Variants in ADAMTS20 observed in about 807,000 individuals in gnomAD.
ADAMTS20 encodes the protein ADAM metallopeptidase with thrombospondin type 1 motif 20.
ADAMTS20 carries 225 observed loss-of-function variants against 260.1 expected under a neutral mutation model. The ratio of observed to expected loss-of-function variants is 0.87; its 90% CI spans 0.78 to 0.97. The LOEUF (loss-of-function observed/expected upper bound fraction) is 0.97, where lower values mean the gene tolerates loss of function less well. Ranked by LOEUF, ADAMTS20 falls within the 50% of genes least tolerant of loss-of-function variation. The probability of loss-of-function intolerance (pLI) is 0.00; values close to 1 mark genes in which losing one functional copy is unlikely to be tolerated. For synonymous variants in ADAMTS20, 802 were observed against 769.5 expected, an observed-to-expected ratio of 1.04 and a Z score of -0.70; for missense variants, 2,400 against 2,337.7, an observed-to-expected ratio of 1.03 and a Z score of -0.55.
At chr12:43,549,229 C>A (rs920732701) in intron 2 of ADAMTS20, among the ~76,000 whole-genome samples, 4 of 151,244 alleles carry the variant, frequency 2.6e-5, no homozygotes, top group African/African-American at 9.7e-5. Flanking sequence ...AATAATAAAT[C>A]TTCACACGTA....
In ADAMTS20 at chr12:43,464,746, A is replaced by C. The variant is rs749766277; in HGVS notation, c.1368-14T>G. On this transcript the variant is annotated splice_polypyrimidine_tract_variant and intron_variant, in intron 9 of 38. Transcript: ENST00000389420. ...CCGTAACCAGTACTGTAACAGTGAC[A>C]GAAAATAAAATATTGTGAATACACA... is the stretch of plus-strand genomic sequence containing the variant. 1 of 1,603,180 alleles carries C rather than the reference A, an allele frequency of 6.2e-7. No homozygotes were observed. The highest frequency in any genetic ancestry group is 1.1e-5 in the South Asian group (1 of 89,896).
chr12:43,481,985 C>G (rs1942449358), intron 7 of ADAMTS20, among the ~76,000 whole-genome samples: 1 of 152,116 alleles, frequency 6.6e-6, no homozygotes, highest in Non-Finnish European at 1.5e-5. Context: ...ACACACACTC[C>G]CACTGGGAAG....
chr12:43,468,713 A>T lies in ADAMTS20; in HGVS notation c.1118-8T>A. The T allele has an allele frequency of 6.7e-7, 1 of 1,481,824 alleles. No homozygotes were observed. The highest frequency in any genetic ancestry group is 9.3e-7 in the Non-Finnish European group (1 of 1,078,768). 91.8% of individuals were successfully genotyped at this position (1,481,824 alleles called of 1,614,324 possible). On this transcript the variant is annotated splice_polypyrimidine_tract_variant and splice_region_variant and intron_variant, in intron 7 of 38. Coordinates refer to ENST00000389420, the MANE Select transcript of ADAMTS20 (RefSeq NM_025003.5). Reference sequence around the variant, plus strand: ...TACCTAAATATGATAAACCTGAAAAATTTCACATTTGTATTTCATCAAAAT... The same window carrying T: ...TACCTAAATATGATAAACCTGAAAATTTTCACATTTGTATTTCATCAAAAT...
intron 3 of ADAMTS20, among the ~76,000 whole-genome samples, chr12:43,525,028 G>A (rs540860720): frequency 2.0e-5 from 3 of 152,282 alleles, no homozygotes; most frequent in South Asian, 2.1e-4. Flanking sequence ...GAAGCTCAAA[G>A]CACTCCTGGG....
At chr12:43,447,975 C>A (rs1365501152) in intron 14 of ADAMTS20, among the ~76,000 whole-genome samples, 1 of 152,024 alleles carries the variant, frequency 6.6e-6, no homozygotes, top group Non-Finnish European at 1.5e-5. Flanking sequence ...TAAAACACTG[C>A]TCAAAGCAAT....
chr12:43,498,221 A>C (rs1484260285), intron 4 of ADAMTS20, among the ~76,000 whole-genome samples: 1 of 152,190 alleles, frequency 6.6e-6, no homozygotes, highest in Non-Finnish European at 1.5e-5. Context: ...TTCTAACAAC[A>C]TTAAGTGCAA....
At position 43,501,481 on chromosome 12, in the gene ADAMTS20, GCA is replaced by G. The variant is rs3036317; in HGVS notation, c.867+669_867+670del. Among the ~76,000 whole-genome samples, 273 of 117,856 alleles carry G rather than the reference GCA, an allele frequency of 2.3e-3. 1 individual carries two copies. Among genetic ancestry groups the G allele is most frequent in the Non-Finnish European group, 3.0e-3 (167 of 55,146 alleles). The allele number at this position is 117,856 out of a possible 152,430, so 77.3% of individuals were successfully genotyped here. A position where few individuals can be genotyped will look rare whatever the true frequency, so the allele number is the denominator to read the frequency against. On this transcript the variant is annotated intron_variant, in intron 4 of 38. Transcript: ENST00000389420. ...GGGATACGCGCGCGCGCGCGCGCGCGCACACACACACACACACACACATGTAA... is the reference window on the plus strand; with the variant it reads ...GGGATACGCGCGCGCGCGCGCGCGCGCACACACACACACACACACATGTAA...
At chr12:43,512,351 A>G (rs1190616037) in intron 3 of ADAMTS20, among the ~76,000 whole-genome samples, 1 of 150,134 alleles carries the variant, frequency 6.7e-6, no homozygotes, top group East Asian at 1.9e-4. Flanking sequence ...TTTATATATG[A>G]GGATATTATT....
chr12:43,533,389 G>A (rs1943253081), intron 2 of ADAMTS20, among the ~76,000 whole-genome samples: 2 of 150,010 alleles, frequency 1.3e-5, no homozygotes, highest in South Asian at 4.3e-4. Flanking sequence ...GCTTCAAAGA[G>A]AATAAAATAC....
At chr12:43,353,035 T>C (rs942935418), downstream of ADAMTS20, among the ~76,000 whole-genome samples, 5 of 152,140 alleles carry the variant, frequency 3.3e-5, no homozygotes, top group African/African-American at 1.2e-4. Context: ...ACACTAGTAT[T>C]CACTGGCAAA....
chr12:43,389,261 T>G (rs774548471), intron 29 of ADAMTS20, among the ~76,000 whole-genome samples: 26 of 152,312 alleles, frequency 1.7e-4, no homozygotes, highest in Non-Finnish European at 2.9e-4. Context: ...CAAATATCTC[T>G]TCAGCTGTGA....
intron 28 of ADAMTS20, among the ~76,000 whole-genome samples, chr12:43,401,247 G>A (rs918796793): frequency 6.6e-6 from 1 of 151,956 alleles, no homozygotes; most frequent in African/African-American, 2.4e-5. Context: ...ATGGTCTTAT[G>A]TGTATGTTTG....
intron 36 of ADAMTS20, among the ~76,000 whole-genome samples, chr12:43,371,166 T>C (rs1222974957): frequency 1.3e-5 from 2 of 152,230 alleles, no homozygotes; most frequent in African/African-American, 4.8e-5. Context: ...AGACTGCTTT[T>C]TATTCTCTGA....
intron 2 of ADAMTS20, among the ~76,000 whole-genome samples, chr12:43,544,168 T>C (rs1943412562): frequency 6.6e-6 from 1 of 152,204 alleles, no homozygotes; most frequent in African/African-American, 2.4e-5. Flanking sequence ...AAGGATGTGA[T>C]GTAAGCTCAA....
intron 7 of ADAMTS20, among the ~76,000 whole-genome samples, chr12:43,488,821 G>A (rs1942560078): frequency 6.6e-6 from 1 of 152,012 alleles, no homozygotes; most frequent in Admixed American, 6.6e-5. Flanking sequence ...GACATTTATA[G>A]CAATACTATG....
intron 3 of ADAMTS20, among the ~76,000 whole-genome samples, chr12:43,530,813 T>G (rs1943210853): frequency 6.6e-6 from 1 of 152,072 alleles, no homozygotes; most frequent in Non-Finnish European, 1.5e-5. Flanking sequence ...ACAGATATAC[T>G]CTTTGTAGAA....
chr12:43,408,184 C>T (rs1940954770), intron 28 of ADAMTS20, among the ~76,000 whole-genome samples: 1 of 152,148 alleles, frequency 6.6e-6, no homozygotes, highest in Non-Finnish European at 1.5e-5. Context: ...TGAAACACTG[C>T]TTTTGAAAGA....
At chr12:43,376,447 AACT>A (rs1940230668) in intron 33 of ADAMTS20, 74 bp downstream of exon 33, 1 of 1,500,150 alleles carries the variant, frequency 6.7e-7, no homozygotes, top group East Asian at 2.3e-5. Context: ...TGGAGTGTGA[AACT>A]ACTACAGATA....
At chr12:43,544,784 A>C (rs1943421079) in intron 2 of ADAMTS20, among the ~76,000 whole-genome samples, 1 of 152,216 alleles carries the variant, frequency 6.6e-6, no homozygotes. Context: ...GTTAACAGCC[A>C]CAAGATCATT....
Sources: gnomAD v4.1 joint callset for allele counts (sites outside exome capture counted in the v4.1 genomes callset) on GRCh38, gnomAD v4.1.1 for gene constraint, MANE v1.5 for transcripts, NCBI Gene and HGNC (gene_info 2026-07-23, HGNC 2026-07-21) for gene names.